The following LRPPRC variants were observed in gnomAD, a reference collection of about 807,000 sequenced individuals.
LRPPRC encodes the protein leucine rich pentatricopeptide repeat containing.
LRPPRC carries 120 observed loss-of-function variants against 180.3 expected under a neutral mutation model. The ratio of observed to expected loss-of-function variants is 0.67; its 90% CI spans 0.57 to 0.77. LRPPRC has a LOEUF of 0.77. LRPPRC is among the 30% of genes least tolerant of loss of function. LRPPRC has a pLI of 0.00. For missense variants in LRPPRC, 2,012 were observed against 1,657.2 expected, an observed-to-expected ratio of 1.21 and a Z score of -3.72; for synonymous variants, 723 against 600.0, an observed-to-expected ratio of 1.21 and a Z score of -3.00.
At chr2:43,926,099 T>G in intron 25 of LRPPRC, 138 bp from the exon 26 acceptor site, 1 of 612,810 alleles carries the variant, frequency 1.6e-6, no homozygotes, top group East Asian at 2.9e-5. Flanking sequence ...CTATATATAC[T>G]AGTATACAAT....
chr2:43,948,045 ATATT>A lies in LRPPRC; in HGVS notation c.1920+73_1920+76del, dbSNP rs568894248. The A allele has an allele frequency of 1.9e-4, 196 of 1,035,234 alleles. 1 individual carries two copies. In the African/African-American group the frequency reaches 2.4e-3, roughly 13 times the overall value. 64.1% of individuals were successfully genotyped at this position (1,035,234 alleles called of 1,614,324 possible). On this transcript the variant is annotated intron_variant, in intron 18 of 37. Transcript: ENST00000260665. ...AATTTTTTTTCTGACCAAAAGCATC[ATATT>A]TAAATAAAATTTTAACATGCTGTTA... is the stretch of plus-strand genomic sequence containing the variant.
At chr2:43,925,806 A>T in intron 26 of LRPPRC, 87 bp downstream of exon 26, 1 of 859,050 alleles carries the variant, frequency 1.2e-6, no homozygotes, top group East Asian at 2.4e-5. Context: ...CTGTCTCTCG[A>T]AGTCCCCAAA....
intron 25 of LRPPRC, among the ~76,000 whole-genome samples, chr2:43,928,135 A>G (rs1671955378): frequency 6.6e-6 from 1 of 152,244 alleles, no homozygotes; most frequent in Admixed American, 6.5e-5. Context: ...AAACAATTGC[A>G]TGTTTGTTTC....
Position 43,887,608 on chromosome 2 carries a change from T to A in LRPPRC, c.*992A>T, listed in dbSNP as rs1319523318. ...AAAACATTTTCAACATTTCGGTAAT[T>A]AATTACCTCATCTCCAGTTAGGTCA... is the stretch of plus-strand genomic sequence containing the variant. On this transcript the variant is annotated 3_prime_UTR_variant, in exon 38 of 38. Coordinates refer to ENST00000260665, the MANE Select transcript of LRPPRC (RefSeq NM_133259.4). 1 of 152,194 alleles carries A rather than the reference T, an allele frequency of 6.6e-6. No homozygotes were observed. Among genetic ancestry groups the A allele is most frequent in the Non-Finnish European group, 1.5e-5 (1 of 68,024 alleles). The allele number at this position is 152,194 out of a possible 1,614,324, so 9.4% of individuals were successfully genotyped here. A position where few individuals can be genotyped will look rare whatever the true frequency, so the allele number is the denominator to read the frequency against.
At chr2:43,959,433 G>C (rs1428078625) in intron 13 of LRPPRC, among the ~76,000 whole-genome samples, 5 of 152,106 alleles carry the variant, frequency 3.3e-5, no homozygotes, top group African/African-American at 1.2e-4. Context: ...CACCCATACA[G>C]TTTGAATATA....
At chr2:43,920,932 A>AG (rs1558942750) in intron 27 of LRPPRC, among the ~76,000 whole-genome samples, 1 of 152,358 alleles carries the variant, frequency 6.6e-6, no homozygotes, top group East Asian at 1.9e-4. Flanking sequence ...GTTTAAAAAA[A>AG]GCACAAATTA....
At chr2:43,900,843 A>G (rs926272170) in intron 32 of LRPPRC, among the ~76,000 whole-genome samples, 1 of 152,198 alleles carries the variant, frequency 6.6e-6, no homozygotes, top group Non-Finnish European at 1.5e-5. Context: ...AGACAGTGGT[A>G]AGAAAATCAG....
At chr2:43,996,203 G>T (rs752585927), upstream of LRPPRC, among the ~76,000 whole-genome samples, 3 of 152,194 alleles carry the variant, frequency 2.0e-5, no homozygotes, top group Non-Finnish European at 2.9e-5. Context: ...TCCGATCTGG[G>T]CATCGTGTTC....
intron 32 of LRPPRC, 152 bp from the exon 33 acceptor site, chr2:43,899,757 A>G (rs1261783802): frequency 3.2e-6 from 2 of 620,306 alleles, no homozygotes; most frequent in Non-Finnish European, 5.7e-6. Flanking sequence ...ACACTAGGCA[A>G]CTGAAACCCT....
At chr2:43,956,221 A>G (rs1673109005) in intron 14 of LRPPRC, among the ~76,000 whole-genome samples, 1 of 152,228 alleles carries the variant, frequency 6.6e-6, no homozygotes, top group African/African-American at 2.4e-5. Context: ...AAAGAGATGT[A>G]GCAATCAAAT....
At chr2:43,951,581 T>A (rs888785332) in intron 14 of LRPPRC, among the ~76,000 whole-genome samples, 14 of 152,186 alleles carry the variant, frequency 9.2e-5, no homozygotes, top group African/African-American at 2.9e-4. Context: ...TTCTGAGATA[T>A]ATACTGAAGT....
intron 27 of LRPPRC, among the ~76,000 whole-genome samples, chr2:43,921,206 C>T (rs551491543): frequency 2.0e-5 from 3 of 152,210 alleles, no homozygotes; most frequent in Non-Finnish European, 4.4e-5. Flanking sequence ...GCAGGAGAAT[C>T]GCTTGAACTT....
intron 21 of LRPPRC, 132 bp from the exon 22 acceptor site, chr2:43,945,549 A>T: frequency 1.5e-6 from 1 of 683,924 alleles, no homozygotes; most frequent in Non-Finnish European, 2.7e-6. Flanking sequence ...CGCTTCAGTT[A>T]GGATTTCTTT....
At chr2:43,941,386 G>C (rs1006552719) in intron 23 of LRPPRC, among the ~76,000 whole-genome samples, 1 of 152,140 alleles carries the variant, frequency 6.6e-6, no homozygotes, top group African/African-American at 2.4e-5. Flanking sequence ...TTGAATGAAA[G>C]GGTGAAGATT....
At chr2:43,935,014 G>C in intron 23 of LRPPRC, 136 bp from the exon 24 acceptor site, 1 of 619,560 alleles carries the variant, frequency 1.6e-6, no homozygotes, top group Non-Finnish European at 2.8e-6. Flanking sequence ...AAACCACAAA[G>C]CTAAAATGGG....
chr2:43,978,709 G>C (rs1392642069), intron 3 of LRPPRC, among the ~76,000 whole-genome samples: 5 of 151,810 alleles, frequency 3.3e-5, no homozygotes, highest in Non-Finnish European at 5.9e-5. Flanking sequence ...ATGTATTCTA[G>C]ATGTATTCAA....
At chr2:43,890,491 A>C in intron 36 of LRPPRC, 1 of 339,636 alleles carries the variant, frequency 2.9e-6, no homozygotes, top group South Asian at 2.6e-5. Flanking sequence ...AGGTAGGCGG[A>C]TCACGAGGTT....
At chr2:43,969,404 C>T (rs1352671454) in intron 11 of LRPPRC, among the ~76,000 whole-genome samples, 4 of 142,028 alleles carry the variant, frequency 2.8e-5, no homozygotes, top group African/African-American at 1.1e-4. Context: ...AGCGAGACTC[C>T]ATCTCAAAAA....
At position 43,977,254 on chromosome 2, in the gene LRPPRC, G is replaced by C. The variant is rs747923824; in HGVS notation, c.492C>G (p.His164Gln). The change falls in exon 4 of 38, where the codon CAC becomes CAG. Residue 164 changes from histidine to glutamine, a missense_variant. Physicochemically the swap from His to Gln is conservative, Grantham distance 24. Coordinates refer to ENST00000260665, the MANE Select transcript of LRPPRC (RefSeq NM_133259.4). ...QKLGAVYDVS[H>Q]YNALLKVYLQ... ...GATAGACTTTAAGTAAAGCATTATA[G>C]TGACTCACATCATACACAGCACCTA... 9.4e-6 allele frequency: 15 copies of C among 1,601,420 alleles called. No homozygotes were observed. Among genetic ancestry groups the C allele is most frequent in the Non-Finnish European group, 1.3e-5 (15 of 1,168,908 alleles).
Sources: allele counts gnomAD v4.1 joint callset (sites outside exome capture counted in the v4.1 genomes callset), GRCh38; gene constraint gnomAD v4.1.1; transcripts MANE v1.5; gene names NCBI Gene and HGNC (gene_info 2026-07-23, HGNC 2026-07-21).